AKNA: variants seen among roughly 807,000 people sequenced by gnomAD.
AKNA encodes microtubule organization protein AKNA.
A neutral mutation model predicts 138.8 loss-of-function variants in AKNA; 67 were observed. The observed-to-expected ratio is 0.48, with a 90% CI of 0.40 to 0.59. The LOEUF (loss-of-function observed/expected upper bound fraction) is 0.59. Ranked by LOEUF, AKNA falls within the 20% of genes least tolerant of loss-of-function variation. The pLI, the probability that AKNA is intolerant of heterozygous loss-of-function variation, is 0.00. For missense variants in AKNA, 1,813 were observed against 1,880.4 expected (o/e 0.96, Z 0.66); for synonymous variants, 737 against 754.4 (o/e 0.98, Z 0.38).
rs1272675022 is a variant in AKNA, at chr9:114,335,771, C to T, written c.*1283G>A. ...GGGCAACCAGAGCAAAACTCAGTCTCAAAAAAAAAAAAAAAAAGAAAAAGA... is the reference window on the plus strand; with the variant it reads ...GGGCAACCAGAGCAAAACTCAGTCTTAAAAAAAAAAAAAAAAAGAAAAAGA... On this transcript the variant is annotated 3_prime_UTR_variant, in exon 22 of 22. Coordinates refer to ENST00000374088, the MANE Select transcript of AKNA (RefSeq NM_001317950.2). 1 of 101,686 alleles carries T rather than the reference C, an allele frequency of 9.8e-6. No individual in the cohort carries two copies. The highest frequency in any genetic ancestry group is 2.0e-5 in the Non-Finnish European group (1 of 49,224). The allele number at this position is 101,686 out of a possible 1,614,324, so 6.3% of individuals were successfully genotyped here. A position where few individuals can be genotyped will look rare whatever the true frequency, so the allele number is the denominator to read the frequency against.
At chr9:114,380,978 T>C (rs1326816786) in intron 2 of AKNA, 82 bp downstream of exon 2, 7 of 1,226,724 alleles carry the variant, frequency 5.7e-6, no homozygotes, top group Non-Finnish European at 7.3e-6. Flanking sequence ...CAAGACTCTG[T>C]CTCAAAAAAA....
chr9:114,331,639 T>C (rs754068664), downstream of AKNA: 1 of 1,613,958 alleles, frequency 6.2e-7, no homozygotes. Context: ...GGTTCCTACC[T>C]GGACGATGAG....
At chr9:114,360,703 C>T (rs1000265435) in intron 9 of AKNA, among the ~76,000 whole-genome samples, 1 of 152,194 alleles carries the variant, frequency 6.6e-6, no homozygotes, top group African/African-American at 2.4e-5. Context: ...CTCTTTCCTG[C>T]TCCCATCCTC....
downstream of AKNA, chr9:114,330,813 C>T: frequency 6.2e-7 from 1 of 1,613,984 alleles, no homozygotes. Context: ...GCTTCTATAA[C>T]TCCAGTTACC....
At chr9:114,395,568 T>C (rs941546762), upstream of AKNA, among the ~76,000 whole-genome samples, 1 of 151,768 alleles carries the variant, frequency 6.6e-6, no homozygotes, top group African/African-American at 2.4e-5. Context: ...AAAAGCCATC[T>C]CATAAAGGGT....
Position 114,361,812 on chromosome 9 carries a change from G to A in AKNA, c.2016C>T (p.Asp672=), listed in dbSNP as rs536693202. ...TQQEPEPPGS[D]SALDSTPALP... Reference sequence around the variant, plus strand: ...GGGCTGGGGTGCTGTCCAGAGCTGAGTCTGACCCGGGCGGCTCAGGCTCTT... The same window carrying A: ...GGGCTGGGGTGCTGTCCAGAGCTGAATCTGACCCGGGCGGCTCAGGCTCTT... Residue 672 remains aspartate (D), a synonymous_variant, in exon 9 of 22, where the codon GAC becomes GAT. Transcript: ENST00000374088. 59 of 1,613,634 alleles carry A rather than the reference G, an allele frequency of 3.7e-5. No homozygotes were observed. Among genetic ancestry groups the A allele is most frequent in the Non-Finnish European group, 4.3e-5 (51 of 1,180,042 alleles).
At chr9:114,398,451 C>T (rs1236658145), upstream of AKNA, 1 of 152,296 alleles carries the variant, frequency 6.6e-6, no homozygotes, top group African/African-American at 2.4e-5. The surrounding 1 kb of genome is among the most constrained non-coding windows in gnomAD (Gnocchi z 4.2). Flanking sequence ...TGCTGGCGGC[C>T]GCCGAGCGCG....
At chr9:114,330,598 C>T (rs1410855135), downstream of AKNA, 3 of 1,611,086 alleles carry the variant, frequency 1.9e-6, no homozygotes, top group East Asian at 6.7e-5. Context: ...CATTCCAATG[C>T]ACCCCCATCT....
chr9:114,375,606 C>T (rs1239404682), intron 3 of AKNA, among the ~76,000 whole-genome samples: 1 of 152,020 alleles, frequency 6.6e-6, no homozygotes, highest in African/African-American at 2.4e-5. Context: ...GACATACACA[C>T]ACTAACACAT....
chr9:114,354,604 T>C (rs1215938961), intron 14 of AKNA, among the ~76,000 whole-genome samples: 3 of 151,384 alleles, frequency 2.0e-5, no homozygotes, highest in Non-Finnish European at 2.9e-5. Flanking sequence ...TCCCAGCTAC[T>C]TGGGAGGCTG....
At position 114,364,497 on chromosome 9, in the gene AKNA, CAG is replaced by C. The variant is rs369201452; in HGVS notation, c.1788+61_1788+62del. 1.4e-4 allele frequency: 225 copies of C among 1,558,032 alleles called. 1 individual carries two copies. In the African/African-American group the frequency reaches 2.8e-3, roughly 19 times the overall value. On this transcript the variant is annotated intron_variant, in intron 7 of 21. Coordinates refer to ENST00000374088, the MANE Select transcript of AKNA (RefSeq NM_001317950.2). ...CTTGCAGCAAAGAAGGCTTCAGAGACAGAGTCATGGGAGACAGTGGTTGTCTG... is the reference window on the plus strand; with the variant it reads ...CTTGCAGCAAAGAAGGCTTCAGAGACAGTCATGGGAGACAGTGGTTGTCTG...
intron 6 of AKNA, among the ~76,000 whole-genome samples, chr9:114,366,404 T>C (rs993647172): frequency 6.6e-6 from 1 of 152,102 alleles, no homozygotes. Context: ...CGTGAATCTA[T>C]TGCTATGAGA....
At chr9:114,374,276 G>C (rs936229879) in intron 3 of AKNA, 109 bp from the exon 4 acceptor site, 1 of 1,068,374 alleles carries the variant, frequency 9.4e-7, no homozygotes, top group African/African-American at 1.6e-5. Flanking sequence ...CTGGGTTCCT[G>C]AGAGGAAAGC....
chr9:114,376,278 G>C (rs1358705542), intron 3 of AKNA, 188 bp downstream of exon 3: 7 of 427,910 alleles, frequency 1.6e-5, no homozygotes, highest in Non-Finnish European at 2.6e-5. Flanking sequence ...TCCCACCCTA[G>C]CCAGCCTCCA....
In AKNA at chr9:114,357,817, A is replaced by G. The variant is rs1054660670; in HGVS notation, c.2739+104T>C. On this transcript the variant is annotated intron_variant, in intron 12 of 21. Transcript: ENST00000374088. ...GCTGGCAGGGACAGGAGCAGCAAGT[A>G]TTCCAAGAAGGAATAGCACAAGGAA... The G allele has an allele frequency of 4.7e-5, 73 of 1,536,912 alleles. No individual in the cohort carries two copies. The Admixed American group carries it at 1.6e-3, about 35-fold the overall frequency.
chr9:114,336,824 C>T lies in AKNA; in HGVS notation c.*230G>A, dbSNP rs1053013239. On this transcript the variant is annotated 3_prime_UTR_variant, in exon 22 of 22. Transcript: ENST00000374088. ...CCGAAGGAGGCCTCGCTCACAGCACCTCTGTGAGGGGACTGGTGCTCCTGG... is the reference window on the plus strand; with the variant it reads ...CCGAAGGAGGCCTCGCTCACAGCACTTCTGTGAGGGGACTGGTGCTCCTGG... The T allele has an allele frequency of 1.7e-5, 8 of 467,880 alleles. No homozygotes were observed. Among genetic ancestry groups the T allele is most frequent in the Non-Finnish European group, 2.5e-5 (7 of 276,460 alleles). 29.0% of individuals were successfully genotyped at this position (467,880 alleles called of 1,614,324 possible). A position where few individuals can be genotyped will look rare whatever the true frequency, so the allele number is the denominator to read the frequency against.
chr9:114,388,459 A>G (rs1834198914), upstream of AKNA, among the ~76,000 whole-genome samples: 1 of 152,174 alleles, frequency 6.6e-6, no homozygotes, highest in Non-Finnish European at 1.5e-5. Context: ...GACTCTGCCA[A>G]TGTGCAACCT....
At chr9:114,341,873 G>T in intron 20 of AKNA, 136 bp downstream of exon 20, 1 of 1,308,864 alleles carries the variant, frequency 7.6e-7, no homozygotes, top group Non-Finnish European at 1.1e-6. Flanking sequence ...TCTCTTTGGG[G>T]AACAAATCCT....
chr9:114,374,977 T>C (rs931075206), intron 3 of AKNA, among the ~76,000 whole-genome samples: 7 of 152,192 alleles, frequency 4.6e-5, no homozygotes, highest in Admixed American at 3.9e-4. Flanking sequence ...ACTACCACTT[T>C]GTCACCTCAA....
Sources: allele counts gnomAD v4.1 joint callset (sites outside exome capture counted in the v4.1 genomes callset), GRCh38; gene constraint gnomAD v4.1.1; non-coding constraint Gnocchi (gnomAD v3.1); transcripts MANE v1.5; gene names NCBI Gene and HGNC (gene_info 2026-07-23, HGNC 2026-07-21).